The following CCDC171 variants were observed in gnomAD, a reference collection of about 807,000 sequenced individuals.
CCDC171 encodes the protein coiled-coil domain-containing protein 171.
Under a neutral mutation model 168.2 loss-of-function variants are expected in CCDC171, and 177 were observed. The ratio of observed to expected loss-of-function variants is 1.05; its 90% CI spans 0.93 to 1.19. The LOEUF is 1.19. CCDC171 is among the 50% of genes most tolerant of loss of function. CCDC171 has a pLI of 0.00. For missense variants in CCDC171, 1,991 were observed against 1,539.0 expected, an observed-to-expected ratio of 1.29 and a Z score of -4.91; for synonymous variants, 687 against 540.8, an observed-to-expected ratio of 1.27 and a Z score of -3.75.
rs77717229 is a variant in CCDC171 at position 15,881,962 on chromosome 9, A to G, written c.3600+7299A>G. Among the ~76,000 whole-genome samples the G allele has an allele frequency of 7.8e-3, 1,184 of 152,298 alleles. 14 individuals carry two copies. Among genetic ancestry groups the G allele is most frequent in the African/African-American group, 0.027 (1,122 of 41,560 alleles). ...TCTTTCTTTTGTACACATACCCAGT[A>G]GTGGAGTTACTGGATCATGTGGTAG... On this transcript the variant is annotated intron_variant, in intron 24 of 25. Coordinates refer to ENST00000380701, the MANE Select transcript of CCDC171 (RefSeq NM_173550.4).
chr9:15,562,297 C>T (rs1341440225), intron 1 of CCDC171, among the ~76,000 whole-genome samples: 2 of 152,034 alleles, frequency 1.3e-5, no homozygotes, highest in Non-Finnish European at 2.9e-5. Flanking sequence ...CCTGGCCTGA[C>T]ACTTTGCTTC....
intron 25 of CCDC171, among the ~76,000 whole-genome samples, chr9:15,927,032 A>T (rs1016937221): frequency 3.3e-5 from 5 of 151,714 alleles, no homozygotes; most frequent in Non-Finnish European, 7.4e-5. Context: ...TACAAAATAA[A>T]TATTCATTAT....
At chr9:15,733,442 A>C (rs2134391945) in intron 16 of CCDC171, among the ~76,000 whole-genome samples, 1 of 146,058 alleles carries the variant, frequency 6.8e-6, no homozygotes, top group African/African-American at 2.5e-5. Context: ...ATTTTGAGTT[A>C]GTTTCTGTAA....
At chr9:15,683,825 A>G (rs2050201639) in intron 10 of CCDC171, among the ~76,000 whole-genome samples, 1 of 152,126 alleles carries the variant, frequency 6.6e-6, no homozygotes, top group Non-Finnish European at 1.5e-5. Context: ...ATTGCGAGAG[A>G]GATGTTTATA....
At chr9:15,669,883 G>T (rs1423443235) in intron 9 of CCDC171, among the ~76,000 whole-genome samples, 1 of 142,852 alleles carries the variant, frequency 7.0e-6, no homozygotes, top group Non-Finnish European at 1.5e-5. Context: ...TACATTATAT[G>T]TAAAACATAG....
At chr9:15,554,480 TAGTCTTGGGG>T in intron 1 of CCDC171, among the ~76,000 whole-genome samples, 1 of 152,282 alleles carries the variant, frequency 6.6e-6, no homozygotes, top group South Asian at 2.1e-4. Context: ...CTTTCTGTGT[TAGTCTTGGGG>T]CTCAGCCATT....
rs141357976 is a variant in CCDC171, at chr9:15,749,620, G to A, written c.2671+3989G>A. On this transcript the variant is annotated intron_variant, in intron 18 of 25. Coordinates refer to ENST00000380701, the MANE Select transcript of CCDC171 (RefSeq NM_173550.4). Reference sequence around the variant, plus strand: ...AAAAGAACAGAAATCACAACAAACTGTCTCTCAGACCACACTGCAATCAAA... The same window carrying A: ...AAAAGAACAGAAATCACAACAAACTATCTCTCAGACCACACTGCAATCAAA... Among the ~76,000 whole-genome samples, 270 of 152,258 alleles carry A rather than the reference G, an allele frequency of 1.8e-3. 2 individuals carry two copies. Among genetic ancestry groups the A allele is most frequent in the African/African-American group, 6.1e-3 (253 of 41,560 alleles).
chr9:15,822,868 G>A lies in CCDC171; in HGVS notation c.3268-23834G>A, dbSNP rs372231172. ...CCAAAGGATTATAAATCATGCTGCT[G>A]TAAAGACACATGCACACGTATGTCT... On this transcript the variant is annotated intron_variant, in intron 21 of 25. Coordinates refer to ENST00000380701, the MANE Select transcript of CCDC171 (RefSeq NM_173550.4). Among the ~76,000 whole-genome samples the A allele has an allele frequency of 3.4e-3, 523 of 152,092 alleles. 3 individuals are homozygous for A. Among genetic ancestry groups the A allele is most frequent in the African/African-American group, 0.012 (487 of 41,510 alleles).
intron 18 of CCDC171, among the ~76,000 whole-genome samples, chr9:15,755,188 T>G (rs1263082912): frequency 6.6e-6 from 1 of 152,188 alleles, no homozygotes; most frequent in Non-Finnish European, 1.5e-5. Flanking sequence ...TGGTTCTTTC[T>G]TCTCTGCTGT....
Position 15,798,017 on chromosome 9 carries a change from C to G in CCDC171, c.3267+13323C>G, listed in dbSNP as rs185604646. Among the ~76,000 whole-genome samples the G allele has an allele frequency of 4.8e-4, 73 of 152,228 alleles. 1 individual carries two copies. In the East Asian group the frequency reaches 0.013, roughly 28 times the overall value. ...ATTGATCTATATGTCTTCCTTTTTG[C>G]TAATTCCACATTGTTTTAATTGCTG... On this transcript the variant is annotated intron_variant, in intron 21 of 25. Transcript: ENST00000380701.
Position 15,972,093 on chromosome 9 carries a change from AT to A in CCDC171, c.*261del. On this transcript the variant is annotated 3_prime_UTR_variant, in exon 26 of 26. Coordinates refer to ENST00000380701, the MANE Select transcript of CCDC171 (RefSeq NM_173550.4). Reference sequence around the variant, plus strand: ...ATTTTTAAATGTTAAGGAATGACACATTTTGGGTAATTTCCCTCAGACTTAA... The same window carrying A: ...ATTTTTAAATGTTAAGGAATGACACATTTGGGTAATTTCCCTCAGACTTAA... 1 of 432,770 alleles carries A rather than the reference AT, an allele frequency of 2.3e-6. No homozygotes were observed. The highest frequency in any genetic ancestry group is 4.1e-6 in the Non-Finnish European group (1 of 243,918). 26.8% of individuals were successfully genotyped at this position (432,770 alleles called of 1,614,324 possible).
Position 15,819,349 on chromosome 9 carries a change from A to G in CCDC171, c.3268-27353A>G, listed in dbSNP as rs1225108579. On this transcript the variant is annotated intron_variant, in intron 21 of 25. Coordinates refer to ENST00000380701, the MANE Select transcript of CCDC171 (RefSeq NM_173550.4). The stretch of plus-strand genomic sequence containing the variant: ...ATCAGATTCACACATAACAATATTA[A>G]CCTTAAATGTAAATGGGCTAAATGC... Among the ~76,000 whole-genome samples the G allele has an allele frequency of 1.3e-4, 15 of 117,420 alleles. 4 individuals are homozygous for G. The highest frequency in any genetic ancestry group is 1.9e-4 in the African/African-American group (6 of 31,144). The allele number at this position is 117,420 out of a possible 152,430, so 77.0% of individuals were successfully genotyped here. A position where few individuals can be genotyped will look rare whatever the true frequency, so the allele number is the denominator to read the frequency against.
chr9:15,892,304 C>T (rs926449006), intron 24 of CCDC171, among the ~76,000 whole-genome samples: 17 of 152,106 alleles, frequency 1.1e-4, no homozygotes, highest in African/African-American at 3.9e-4. Flanking sequence ...ATGCTTCCAG[C>T]TTCTGCCAAT....
the CCDC171 span, among the ~76,000 whole-genome samples, chr9:16,096,414 G>A: frequency 6.6e-6 from 1 of 152,200 alleles, no homozygotes; most frequent in Non-Finnish European, 1.5e-5. Context: ...AGACCCAAAA[G>A]AGGATTATAT....
intron 7 of CCDC171, among the ~76,000 whole-genome samples, chr9:15,631,608 C>G (rs2045708305): frequency 6.6e-6 from 1 of 152,170 alleles, no homozygotes; most frequent in South Asian, 2.1e-4. Context: ...GGAACTGGTA[C>G]CATTCCTTCT....
chr9:16,006,549 T>G (rs1044485629), intron 3 of CCDC171, among the ~76,000 whole-genome samples: 2 of 152,098 alleles, frequency 1.3e-5, no homozygotes, highest in Non-Finnish European at 2.9e-5. Context: ...TCATTTAGCA[T>G]TAGGTATCTC....
At chr9:16,095,995 A>T in the CCDC171 span, among the ~76,000 whole-genome samples, 1 of 151,496 alleles carries the variant, frequency 6.6e-6, no homozygotes, top group Non-Finnish European at 1.5e-5. Context: ...AATTAGTTCT[A>T]TGTTTCTATA....
At chr9:15,909,146 G>A (rs1823225572) in intron 24 of CCDC171, among the ~76,000 whole-genome samples, 1 of 152,080 alleles carries the variant, frequency 6.6e-6, no homozygotes, top group Admixed American at 6.5e-5. Context: ...ACAACTTTTT[G>A]TTGAGAGTAA....
In CCDC171 at chr9:16,002,135, A is replaced by AT. The variant is rs76881347; in HGVS notation, n.369-18433dup. On this transcript the variant is annotated intron_variant and non_coding_transcript_variant, in intron 3 of 9. Coordinates refer to the CCDC171 transcript ENST00000486641. ...GAGTCACCATGCCCAGCCTACTATCATTTTTTTTTTTTTTTTTTTTTGCTG... is the reference window on the plus strand; with the variant it reads ...GAGTCACCATGCCCAGCCTACTATCATTTTTTTTTTTTTTTTTTTTTTGCTG... Among the ~76,000 whole-genome samples the AT allele has an allele frequency of 2.6e-3, 265 of 102,464 alleles. 2 individuals carry two copies. Among genetic ancestry groups the AT allele is most frequent in the East Asian group, 6.1e-3 (22 of 3,584 alleles). The allele number at this position is 102,464 out of a possible 152,430, so 67.2% of individuals were successfully genotyped here.
Sources: allele counts gnomAD v4.1 joint callset (sites outside exome capture counted in the v4.1 genomes callset), GRCh38; gene constraint gnomAD v4.1.1; transcripts MANE v1.5; gene names NCBI Gene and HGNC (gene_info 2026-07-23, HGNC 2026-07-21).